Variants in TRAF5 observed in about 807,000 individuals in gnomAD.
TRAF5 encodes TNF receptor associated factor 5.
In TRAF5, 48 loss-of-function variants were observed where a neutral mutation model predicts 64.5. The observed-to-expected ratio is 0.74, with a 90% CI of 0.59 to 0.95. The LOEUF is 0.95. Ranked by LOEUF, TRAF5 falls within the 40% of genes least tolerant of loss-of-function variation. The pLI is 0.00. For synonymous variants in TRAF5, 206 were observed against 240.5 expected (o/e 0.86, Z 1.33); for missense variants, 545 against 662.8 (o/e 0.82, Z 1.95).
intron 1 of TRAF5, chr1:211,346,392 G>C: frequency 1.3e-5 from 13 of 985,436 alleles, no homozygotes; most frequent in Non-Finnish European, 1.6e-5. Context: ...TGAGTGGGCT[G>C]TGGGGTGTCC....
chr1:211,327,521 A>G (rs1395019773), intron 1 of TRAF5, among the ~76,000 whole-genome samples: 1 of 152,118 alleles, frequency 6.6e-6, no homozygotes, highest in Non-Finnish European at 1.5e-5. Context: ...GAGAGGTGGA[A>G]GGAGTTGCCC....
At chr1:211,342,363 A>C (rs904801075) in intron 1 of TRAF5, among the ~76,000 whole-genome samples, 1 of 151,040 alleles carries the variant, frequency 6.6e-6, no homozygotes, top group African/African-American at 2.4e-5. Context: ...TTTTATTTTT[A>C]TGGGTGTGTA....
At chr1:211,365,058 A>G (rs1026518375) in intron 7 of TRAF5, among the ~76,000 whole-genome samples, 20 of 152,076 alleles carry the variant, frequency 1.3e-4, no homozygotes, top group African/African-American at 4.8e-4. Context: ...CTGTAATCCC[A>G]GCTACTCGGG....
intron 1 of TRAF5, among the ~76,000 whole-genome samples, chr1:211,335,155 G>A (rs1212452610): frequency 1.3e-5 from 2 of 152,182 alleles, no homozygotes; most frequent in Admixed American, 6.5e-5. Flanking sequence ...GTGAGCTGTG[G>A]TGAGTAAGAC....
rs79015242 is a variant in TRAF5 at position 211,350,476 on chromosome 1, G to C, written c.-1-2763G>C. On this transcript the variant is annotated intron_variant, in intron 1 of 10. Transcript: ENST00000261464. ...GGAAAGAGAGGTCCAGGATGGTGCT[G>C]TACTGGGGAGGATACAGTCTTGAGC... Among the ~76,000 whole-genome samples, 43 of 152,306 alleles carry C rather than the reference G, an allele frequency of 2.8e-4. No individual in the cohort carries two copies. The East Asian group carries it at 8.3e-3, about 29-fold the overall frequency.
intron 1 of TRAF5, among the ~76,000 whole-genome samples, chr1:211,352,441 TAAA>T (rs35728825): frequency 1.3e-5 from 1 of 76,134 alleles, no homozygotes. Flanking sequence ...TCACTGTCTC[TAAA>T]AAAAAAAAAA....
chr1:211,344,066 T>C (rs1702520385), intron 1 of TRAF5, among the ~76,000 whole-genome samples: 1 of 151,962 alleles, frequency 6.6e-6, no homozygotes, highest in South Asian at 2.1e-4. Flanking sequence ...CCACCTGGAG[T>C]CAGGTAGACT....
chr1:211,356,348 T>A lies in TRAF5; in HGVS notation c.277-19T>A. On this transcript the variant is annotated intron_variant, in intron 3 of 10. Transcript: ENST00000261464. ...GTAAAACTTTGAAGTGTGTGAGACCTATTATGTTTATCTTTTAGGTTTTTA... is the reference window on the plus strand; with the variant it reads ...GTAAAACTTTGAAGTGTGTGAGACCAATTATGTTTATCTTTTAGGTTTTTA... 1 of 1,599,522 alleles carries A rather than the reference T, an allele frequency of 6.3e-7. No homozygotes were observed. Among genetic ancestry groups the A allele is most frequent in the Non-Finnish European group, 8.6e-7 (1 of 1,167,024 alleles).
intron 4 of TRAF5, 109 bp from the exon 5 acceptor site, chr1:211,359,803 T>TCTGCCCAG: frequency 7.3e-7 from 1 of 1,361,580 alleles, no homozygotes; most frequent in Non-Finnish European, 1.0e-6. Context: ...TGCAAGCCTT[T>TCTGCCCAG]CTGCCCAGCT....
chr1:211,360,523 T>G (rs1703140612), intron 5 of TRAF5, 179 bp from the exon 6 acceptor site: 4 of 547,500 alleles, frequency 7.3e-6, no homozygotes, highest in Non-Finnish European at 1.3e-5. Flanking sequence ...AAATTTAATA[T>G]TTTAATTAAG....
chr1:211,349,899 C>T (rs1702729661), intron 1 of TRAF5, among the ~76,000 whole-genome samples: 1 of 152,154 alleles, frequency 6.6e-6, no homozygotes, highest in Non-Finnish European at 1.5e-5. Context: ...TAGAATATGA[C>T]ATCAGGGCAC....
At chr1:211,332,322 A>G in intron 1 of TRAF5, among the ~76,000 whole-genome samples, 1 of 152,236 alleles carries the variant, frequency 6.6e-6, no homozygotes. Flanking sequence ...AGCCAGATCC[A>G]ATGTGAAGGC....
chr1:211,359,878 G>T, intron 4 of TRAF5, 34 bp from the exon 5 acceptor site: 2 of 1,612,590 alleles, frequency 1.2e-6, no homozygotes, highest in Non-Finnish European at 8.5e-7. Context: ...ACCCTGGTCA[G>T]CAGGTCCCAC....
At chr1:211,338,559 G>A (rs543706886) in intron 1 of TRAF5, among the ~76,000 whole-genome samples, 2 of 152,330 alleles carry the variant, frequency 1.3e-5, no homozygotes, top group Admixed American at 1.3e-4. Context: ...GCCAGGAATT[G>A]TGTGATAATA....
chr1:211,337,555 C>T (rs541867246), intron 1 of TRAF5, among the ~76,000 whole-genome samples: 35 of 152,288 alleles, frequency 2.3e-4, no homozygotes, highest in African/African-American at 8.4e-4. Flanking sequence ...AAGCATCACT[C>T]TGGCTGCTGG....
intron 7 of TRAF5, among the ~76,000 whole-genome samples, chr1:211,363,043 T>C (rs567903334): frequency 6.6e-6 from 1 of 152,296 alleles, no homozygotes; most frequent in South Asian, 2.1e-4. Context: ...TAAATAAATA[T>C]ACATTATAAC....
intron 1 of TRAF5, among the ~76,000 whole-genome samples, chr1:211,341,023 A>C (rs994879423): frequency 1.3e-5 from 2 of 152,180 alleles, no homozygotes; most frequent in African/African-American, 2.4e-5. Context: ...GTAAGCAAGG[A>C]GGATGGTCAG....
intron 1 of TRAF5, among the ~76,000 whole-genome samples, chr1:211,348,599 T>G (rs1299559348): frequency 6.6e-6 from 1 of 152,062 alleles, no homozygotes; most frequent in Non-Finnish European, 1.5e-5. Context: ...AGTAGGAGTT[T>G]TATAGTTTTG....
intron 1 of TRAF5, among the ~76,000 whole-genome samples, chr1:211,328,373 G>A (rs1558128276): frequency 6.6e-6 from 1 of 152,178 alleles, no homozygotes; most frequent in Non-Finnish European, 1.5e-5. Flanking sequence ...TCAGATCCCT[G>A]GCTCCTGGAC....
Sources: gnomAD v4.1 joint callset for allele counts (sites outside exome capture counted in the v4.1 genomes callset) on GRCh38, gnomAD v4.1.1 for gene constraint, MANE v1.5 for transcripts, NCBI Gene and HGNC (gene_info 2026-07-23, HGNC 2026-07-21) for gene names.